The following FAF2 variants were observed in gnomAD, a reference collection of about 807,000 sequenced individuals.
FAF2 encodes FAS-associated factor 2.
In FAF2, 9 loss-of-function variants were observed where a neutral mutation model predicts 62.3. The observed-to-expected ratio is 0.14, with a 90% CI of 0.09 to 0.25. The LOEUF (loss-of-function observed/expected upper bound fraction) is 0.25. FAF2 is among the 10% of genes least tolerant of loss of function. FAF2 has a pLI of 1.00. For missense variants in FAF2, 368 were observed against 556.2 expected, an observed-to-expected ratio of 0.66 and a Z score of 3.40; for synonymous variants, 202 against 198.0, an observed-to-expected ratio of 1.02 and a Z score of -0.17.
At chr5:176,451,827 T>TATATATAC (rs1581465585) in intron 1 of FAF2, among the ~76,000 whole-genome samples, 5 of 44,574 alleles carry the variant, frequency 1.1e-4, no homozygotes, top group African/African-American at 4.2e-4. Context: ...TATATATATA[T>TATATATAC]ACATATATAT....
intron 1 of FAF2, among the ~76,000 whole-genome samples, chr5:176,462,945 A>G (rs1758404279): frequency 6.6e-6 from 1 of 152,256 alleles, no homozygotes; most frequent in African/African-American, 2.4e-5. Flanking sequence ...AGAGGATAAC[A>G]GAAATACCTT....
chr5:176,481,261 T>C (rs1201496172), intron 2 of FAF2, among the ~76,000 whole-genome samples: 1 of 152,110 alleles, frequency 6.6e-6, no homozygotes, highest in African/African-American at 2.4e-5. Flanking sequence ...TTGGCCAGGC[T>C]GGTCTTGATC....
In FAF2 at chr5:176,494,613, G is replaced by T. The variant is rs1759032735; in HGVS notation, c.661+338G>T. Among the ~76,000 whole-genome samples the T allele has an allele frequency of 6.6e-6, 1 of 152,058 alleles. No individual in the cohort carries two copies. The highest frequency in any genetic ancestry group is 2.4e-5 in the African/African-American group (1 of 41,398). ...TCTGTCGCCCAGGCTGGAGTGCAGT[G>T]GTGCGATCTTGGCTCACTGCAACCT... On this transcript the variant is annotated intron_variant, in intron 7 of 10. Coordinates refer to ENST00000261942, the MANE Select transcript of FAF2 (RefSeq NM_014613.3). This position sits in a 1 kb window ranked among gnomAD's most constrained non-coding sequence, Gnocchi z 4.0.
At chr5:176,482,821 C>G (rs1189317638) in intron 2 of FAF2, among the ~76,000 whole-genome samples, 1 of 152,152 alleles carries the variant, frequency 6.6e-6, no homozygotes, top group East Asian at 1.9e-4. Context: ...TGGTGCTTAT[C>G]TGATATTTAA....
At chr5:176,487,897 C>T (rs1313412718) in intron 3 of FAF2, among the ~76,000 whole-genome samples, 1 of 152,160 alleles carries the variant, frequency 6.6e-6, no homozygotes, top group Non-Finnish European at 1.5e-5. Context: ...GGCTGGAGTG[C>T]AGTGGTGTGA....
intron 8 of FAF2, among the ~76,000 whole-genome samples, chr5:176,497,505 T>G (rs560684822): frequency 8.5e-5 from 13 of 152,344 alleles, no homozygotes; most frequent in African/African-American, 3.1e-4. Context: ...TATCACGGCC[T>G]TTTCCCTCAT....
chr5:176,482,876 C>T (rs1243807847), intron 2 of FAF2, among the ~76,000 whole-genome samples: 1 of 150,154 alleles, frequency 6.7e-6, no homozygotes, highest in East Asian at 1.9e-4. Context: ...TTTTTACTCT[C>T]TTGATAGTGG....
Position 176,506,914 on chromosome 5 carries a change from A to T in FAF2, c.1302A>T (p.Thr434=). 6.2e-7 allele frequency: 1 copy of T among 1,603,504 alleles called. No homozygotes were observed. The highest frequency in any genetic ancestry group is 8.5e-7 in the Non-Finnish European group (1 of 1,173,596). The change falls in exon 11 of 11, where the codon ACA becomes ACT. Residue 434 remains threonine, a synonymous_variant. Coordinates refer to ENST00000261942, the MANE Select transcript of FAF2 (RefSeq NM_014613.3). ...TACAGGAGGCCGGACTCAGCCACAC[A>T]GAAGTTCTTTTTGTTCAGGACCTAA... ...PTLQEAGLSH[T]EVLFVQDLTD...
intron 1 of FAF2, among the ~76,000 whole-genome samples, chr5:176,449,908 T>A: frequency 6.6e-6 from 1 of 152,118 alleles, no homozygotes; most frequent in South Asian, 2.1e-4. Flanking sequence ...AGTCCCTGAT[T>A]TACAGATGAA....
In FAF2 at chr5:176,494,532, A is replaced by T. The variant is rs1324116307; in HGVS notation, c.661+257A>T. Among the ~76,000 whole-genome samples, 2 of 151,664 alleles carry T rather than the reference A, an allele frequency of 1.3e-5. No individual in the cohort carries two copies. The highest frequency in any genetic ancestry group is 2.4e-5 in the African/African-American group (1 of 41,226). On this transcript the variant is annotated intron_variant, in intron 7 of 10. Transcript: ENST00000261942. This position sits in a 1 kb window ranked among gnomAD's most constrained non-coding sequence, Gnocchi z 4.0. The stretch of plus-strand genomic sequence containing the variant: ...GAAGATCACACAATTAGCAAGTTTT[A>T]TTTTTTTTGTTTTTATTTAATTAAT...
chr5:176,483,068 T>C (rs1581067817), intron 2 of FAF2, among the ~76,000 whole-genome samples: 1 of 151,912 alleles, frequency 6.6e-6, no homozygotes, highest in African/African-American at 2.4e-5. Flanking sequence ...TATTTTATTT[T>C]TTTTGAGAGA....
intron 2 of FAF2, among the ~76,000 whole-genome samples, chr5:176,483,895 T>G (rs1758828232): frequency 6.6e-6 from 1 of 151,976 alleles, no homozygotes; most frequent in African/African-American, 2.4e-5. Context: ...GCCAACATCG[T>G]GAAACCCCAT....
At chr5:176,473,452 G>T (rs1280867884) in intron 1 of FAF2, among the ~76,000 whole-genome samples, 1 of 152,138 alleles carries the variant, frequency 6.6e-6, no homozygotes, top group Non-Finnish European at 1.5e-5. Flanking sequence ...CGATGTTTTG[G>T]CCTTGATCAC....
rs895723935 is a variant in FAF2 at position 176,464,585 on chromosome 5, C to T, written c.64-14603C>T. Reference sequence around the variant, plus strand: ...ATAGCTCACTGTAGCCTCGACCTCCCGGACTCAAGTGACCCTCCCACATCA... The same window carrying T: ...ATAGCTCACTGTAGCCTCGACCTCCTGGACTCAAGTGACCCTCCCACATCA... On this transcript the variant is annotated intron_variant, in intron 1 of 10. Coordinates refer to ENST00000261942, the MANE Select transcript of FAF2 (RefSeq NM_014613.3). Among the ~76,000 whole-genome samples the T allele has an allele frequency of 4.7e-5, 7 of 149,350 alleles. No individual in the cohort carries two copies. In the East Asian group the frequency reaches 5.9e-4, roughly 13 times the overall value.
chr5:176,453,249 A>T (rs943562298), intron 1 of FAF2: 1 of 152,158 alleles, frequency 6.6e-6, no homozygotes, highest in Non-Finnish European at 1.5e-5. Context: ...GGTTACTTTT[A>T]TTGGCGTTCA....
rs1439969229 is a variant in FAF2 at position 176,472,187 on chromosome 5, G to A, written c.64-7001G>A. Among the ~76,000 whole-genome samples, 5 of 151,960 alleles carry A rather than the reference G, an allele frequency of 3.3e-5. No homozygotes were observed. In the East Asian group the frequency reaches 7.8e-4, roughly 24 times the overall value. ...ACTCCGTCTCCCAGGCTAGAGCACA[G>A]TGGTGCTATCTCAGCTCACTGCTTT... On this transcript the variant is annotated intron_variant, in intron 1 of 10. Transcript: ENST00000261942.
intron 10 of FAF2, among the ~76,000 whole-genome samples, chr5:176,501,653 TAA>T (rs1755592546): frequency 2.0e-5 from 3 of 152,360 alleles, no homozygotes; most frequent in Non-Finnish European, 4.4e-5. Context: ...AATACAGAAT[TAA>T]AGTTATGAAA....
At chr5:176,451,828 A>G (rs1293498337) in intron 1 of FAF2, among the ~76,000 whole-genome samples, 1 of 47,508 alleles carries the variant, frequency 2.1e-5, no homozygotes, top group East Asian at 5.3e-4. Flanking sequence ...ATATATATAT[A>G]CATATATATA....
intron 1 of FAF2, chr5:176,453,292 C>T (rs1758219641): frequency 6.6e-6 from 1 of 152,140 alleles, no homozygotes; most frequent in African/African-American, 2.4e-5. Flanking sequence ...GCAGACTCTC[C>T]TAGTGTCTTG....
Sources: gnomAD v4.1 joint callset for allele counts (sites outside exome capture counted in the v4.1 genomes callset) on GRCh38, gnomAD v4.1.1 for gene constraint, Gnocchi (gnomAD v3.1) non-coding constraint, MANE v1.5 for transcripts, NCBI Gene and HGNC (gene_info 2026-07-23, HGNC 2026-07-21) for gene names.